SUSD4: variants seen among roughly 807,000 people sequenced by gnomAD.
SUSD4 encodes sushi domain containing 4, also known as sushi domain-containing protein 4.
A neutral mutation model predicts 50.5 loss-of-function variants in SUSD4; 41 were observed. That is an observed-to-expected ratio of 0.81 (90% CI 0.63 to 1.05). The LOEUF (loss-of-function observed/expected upper bound fraction) is 1.05. Among genes scored for constraint, SUSD4 ranks in the 50% least tolerant of loss-of-function variants. The pLI, the probability that SUSD4 is intolerant of heterozygous loss-of-function variation, is 0.00. For missense variants in SUSD4, 580 were observed against 634.7 expected (o/e 0.91, Z 0.93); for synonymous variants, 257 against 257.3 (o/e 1.00, Z 0.01).
At chr1:223,355,561 C>T (rs1340658140) in intron 2 of SUSD4, among the ~76,000 whole-genome samples, 1 of 152,128 alleles carries the variant, frequency 6.6e-6, no homozygotes, top group Non-Finnish European at 1.5e-5. Context: ...CCTCCTGATT[C>T]ACCCAATTCA....
intron 2 of SUSD4, among the ~76,000 whole-genome samples, chr1:223,305,208 G>A (rs1370763888): frequency 2.6e-5 from 4 of 152,070 alleles, no homozygotes; most frequent in Non-Finnish European, 5.9e-5. Flanking sequence ...AGACAGCTCA[G>A]CTCTGGCCTT....
intron 5 of SUSD4, among the ~76,000 whole-genome samples, chr1:223,234,467 C>T (rs1370523746): frequency 3.9e-5 from 6 of 152,128 alleles, no homozygotes; most frequent in African/African-American, 9.7e-5. Context: ...GAGCAGGGGC[C>T]GTGTCTCTAG....
In SUSD4 at chr1:223,350,854, T is replaced by G. The variant is rs118162984; in HGVS notation, c.148+12424A>C. On this transcript the variant is annotated intron_variant, in intron 2 of 8. Coordinates refer to ENST00000366878, the MANE Select transcript of SUSD4 (RefSeq NM_017982.4). ...GTTTGCTCTCAGTCCTTCCCACATT[T>G]GTAACTTGGTAGACAAAGGTTTACT... Among the ~76,000 whole-genome samples, 25 of 152,264 alleles carry G rather than the reference T, an allele frequency of 1.6e-4. No homozygotes were observed. The East Asian group carries it at 4.6e-3, about 28-fold the overall frequency.
rs186954973 is a variant in SUSD4 at position 223,228,969 on chromosome 1, G to A, written c.916+228C>T. On this transcript the variant is annotated intron_variant, in intron 6 of 8. Coordinates refer to ENST00000366878, the MANE Select transcript of SUSD4 (RefSeq NM_017982.4). ...CCCTAGGCCCCTAGCATCCATGGAA[G>A]GACCTCCAGCAGACAGTTAATACTC... Among the ~76,000 whole-genome samples, 1,086 of 152,000 alleles carry A rather than the reference G, an allele frequency of 7.1e-3. 13 individuals carry two copies. Among genetic ancestry groups the A allele is most frequent in the African/African-American group, 0.025 (1,029 of 41,510 alleles).
chr1:223,225,027 C>T (rs1483431811), intron 7 of SUSD4, among the ~76,000 whole-genome samples: 1 of 151,860 alleles, frequency 6.6e-6, no homozygotes, highest in Non-Finnish European at 1.5e-5. Context: ...GCACCACCAC[C>T]CCCAGCTAAT....
chr1:223,353,974 C>T (rs759005107), intron 2 of SUSD4, among the ~76,000 whole-genome samples: 7 of 151,130 alleles, frequency 4.6e-5, no homozygotes, highest in Admixed American at 1.3e-4. Flanking sequence ...GAAGCTGCAG[C>T]GAGCCGAGAT....
intron 3 of SUSD4, chr1:223,289,212 T>C: frequency 2.0e-6 from 2 of 985,410 alleles, no homozygotes; most frequent in African/African-American, 3.5e-5. Context: ...ACCTCCTCTG[T>C]TCCCTGGGCC....
intron 2 of SUSD4, among the ~76,000 whole-genome samples, chr1:223,296,820 C>T (rs537644221): frequency 4.6e-4 from 70 of 152,230 alleles, no homozygotes; most frequent in African/African-American, 1.5e-3. Context: ...TCCTTGCTGC[C>T]GCCATGTGAA....
At chr1:223,350,584 G>A (rs938886178) in intron 2 of SUSD4, among the ~76,000 whole-genome samples, 1 of 152,226 alleles carries the variant, frequency 6.6e-6, no homozygotes, top group Admixed American at 6.5e-5. Context: ...AAGCAAAGAG[G>A]AAAGGACAGA....
chr1:223,334,231 T>C (rs72745920), intron 2 of SUSD4, among the ~76,000 whole-genome samples: 188 of 152,212 alleles, frequency 1.2e-3, no homozygotes, highest in Non-Finnish European at 2.0e-3. Context: ...AAGAGTTCCT[T>C]ATCATTAAAA....
At chr1:223,283,011 T>G (rs1663858623) in intron 3 of SUSD4, among the ~76,000 whole-genome samples, 1 of 152,212 alleles carries the variant, frequency 6.6e-6, no homozygotes, top group Non-Finnish European at 1.5e-5. Flanking sequence ...ATTTAACAAA[T>G]GGTGCTGGGA....
rs139558979 is a variant in SUSD4 at position 223,266,836 on chromosome 1, G to C, written c.535+1666C>G. ...TGTCAGACTGTCCAAGGCAACTTCA[G>C]TTCCTCATTTCCTATGGTGTGCCAG... On this transcript the variant is annotated intron_variant, in intron 4 of 8. Transcript: ENST00000366878. Among the ~76,000 whole-genome samples the C allele has an allele frequency of 9.3e-3, 1,424 of 152,338 alleles. 23 individuals carry two copies. The highest frequency in any genetic ancestry group is 0.033 in the African/African-American group (1,352 of 41,572).
intron 3 of SUSD4, among the ~76,000 whole-genome samples, chr1:223,282,751 T>C (rs1663836066): frequency 6.6e-6 from 1 of 152,164 alleles, no homozygotes; most frequent in African/African-American, 2.4e-5. Flanking sequence ...TTAAAGTTCA[T>C]ATAGAACCAA....
At chr1:223,347,937 TG>T (rs1160505489) in intron 2 of SUSD4, among the ~76,000 whole-genome samples, 2 of 152,026 alleles carry the variant, frequency 1.3e-5, no homozygotes, top group East Asian at 3.9e-4. Context: ...ACTAACCAGT[TG>T]TGAAACCAGC....
intron 5 of SUSD4, among the ~76,000 whole-genome samples, chr1:223,230,940 G>T (rs1312954652): frequency 1.3e-5 from 2 of 152,122 alleles, no homozygotes; most frequent in African/African-American, 4.8e-5. Context: ...TGATTATTCA[G>T]GGAAAACCAG....
intron 2 of SUSD4, among the ~76,000 whole-genome samples, chr1:223,322,640 TG>T (rs1381603364): frequency 4.6e-5 from 7 of 152,052 alleles, no homozygotes; most frequent in Admixed American, 3.3e-4. Flanking sequence ...ATGGTGAGTG[TG>T]TGGTGTGTGC....
chr1:223,345,743 G>A (rs1346254842), intron 2 of SUSD4, among the ~76,000 whole-genome samples: 1 of 152,150 alleles, frequency 6.6e-6, no homozygotes, highest in Non-Finnish European at 1.5e-5. Context: ...TCTAAAATAA[G>A]CTTTTCTTCC....
chr1:223,327,448 G>A (rs187928061), intron 2 of SUSD4, among the ~76,000 whole-genome samples: 2 of 152,290 alleles, frequency 1.3e-5, no homozygotes, highest in East Asian at 1.9e-4. Flanking sequence ...ACTCATCCAT[G>A]TAACAAAAGA....
intron 2 of SUSD4, among the ~76,000 whole-genome samples, chr1:223,305,474 C>T (rs1400963): frequency 0.31 from 47,407 of 152,108 alleles, 9,206 homozygotes; most frequent in Non-Finnish European, 0.44. Context: ...ACAAAAAATT[C>T]ATCAAAGAAA....
Sources: allele counts gnomAD v4.1 joint callset (sites outside exome capture counted in the v4.1 genomes callset), GRCh38; gene constraint gnomAD v4.1.1; transcripts MANE v1.5; gene names NCBI Gene and HGNC (gene_info 2026-07-23, HGNC 2026-07-21).